Variants in SH3BP5L observed in about 807,000 individuals in gnomAD.
SH3BP5L encodes SH3 domain-binding protein 5-like.
Under a neutral mutation model 40.9 loss-of-function variants are expected in SH3BP5L, and 16 were observed. The ratio of observed to expected loss-of-function variants is 0.39; its 90% CI spans 0.27 to 0.59. SH3BP5L has a LOEUF of 0.59. Ranked by LOEUF, SH3BP5L falls within the 20% of genes least tolerant of loss-of-function variation. The probability of loss-of-function intolerance (pLI) is 0.53; values close to 1 mark genes in which losing one functional copy is unlikely to be tolerated. For synonymous variants in SH3BP5L, 229 were observed against 226.7 expected, an observed-to-expected ratio of 1.01 and a Z score of -0.09; for missense variants, 471 against 544.6, an observed-to-expected ratio of 0.86 and a Z score of 1.35.
chr1:248,816,576 C>T lies in SH3BP5L; in HGVS notation c.333G>A (p.Glu111=). The change falls in exon 4 of 7, where the codon GAG becomes GAA. Residue 111 remains glutamate, a synonymous_variant. Transcript: ENST00000366472. The part of the protein sequence containing the change: ...TQGSHLGSCI[E]KARPYYEARR... The stretch of plus-strand genomic sequence containing the variant: ...GAGCCTCATAGTAGGGCCGGGCTTT[C>T]TCGATGCAGCTCCCCAAGTGGGAAC... 1 of 1,614,188 alleles carries T rather than the reference C, an allele frequency of 6.2e-7. No individual in the cohort carries two copies. Among genetic ancestry groups the T allele is most frequent in the Non-Finnish European group, 8.5e-7 (1 of 1,180,052 alleles).
At chr1:248,823,308 A>G (rs1286585881) in intron 2 of SH3BP5L, among the ~76,000 whole-genome samples, 1 of 152,254 alleles carries the variant, frequency 6.6e-6, no homozygotes, top group African/African-American at 2.4e-5. Flanking sequence ...AGTTTGAGAA[A>G]GAACTGTAGA....
At chr1:248,814,009 C>T (rs951920020) in intron 5 of SH3BP5L, 12 of 181,738 alleles carry the variant, frequency 6.6e-5, no homozygotes, top group Middle Eastern at 2.6e-3. Flanking sequence ...GAGATCCTTC[C>T]GCTCCCCAGT....
chr1:248,812,827 T>TG lies in SH3BP5L; in HGVS notation c.711+161dup, dbSNP rs1414092932. On this transcript the variant is annotated intron_variant, in intron 6 of 6. Transcript: ENST00000366472. This position sits in a 1 kb window ranked among gnomAD's most constrained non-coding sequence, Gnocchi z 6.1. ...AGCCCCCATCCCTGCCTCTCACTCC[T>TG]GCAAGGTCATTTGGAACATGTGTGC... 6.6e-6 allele frequency among the ~76,000 whole-genome samples: 1 copy of TG among 150,736 alleles called. No individual in the cohort carries two copies. The highest frequency in any genetic ancestry group is 2.5e-5 in the African/African-American group (1 of 40,772).
chr1:248,825,277 G>A lies in SH3BP5L; in HGVS notation c.-342C>T. On this transcript the variant is annotated 5_prime_UTR_variant, in exon 2 of 7. Transcript: ENST00000366472. ...TGCTAGGAGGAGCACCATTCGGGAG[G>A]GTGGAGGCAGGCGCCTCCAGGCTGT... The A allele has an allele frequency of 9.7e-7, 1 of 1,035,626 alleles. No homozygotes were observed. The highest frequency in any genetic ancestry group is 1.2e-6 in the Non-Finnish European group (1 of 861,994). The allele number at this position is 1,035,626 out of a possible 1,614,324, so 64.2% of individuals were successfully genotyped here.
At position 248,821,557 on chromosome 1, in the gene SH3BP5L, T is replaced by C. The variant is rs1040640584; in HGVS notation, c.183+3196A>G. The stretch of plus-strand genomic sequence containing the variant: ...AGGTTGCAAAGTCACCCTAGAGAGT[T>C]TGGAAAGGAGCAGGTAAACGAGAGC... On this transcript the variant is annotated intron_variant, in intron 2 of 6. Transcript: ENST00000366472. The surrounding 1 kb of genome is among the most constrained non-coding windows in gnomAD (Gnocchi z 4.6). Among the ~76,000 whole-genome samples the C allele has an allele frequency of 6.6e-6, 1 of 151,870 alleles. No individual in the cohort carries two copies. Among genetic ancestry groups the C allele is most frequent in the Non-Finnish European group, 1.5e-5 (1 of 67,964 alleles).
intron 2 of SH3BP5L, among the ~76,000 whole-genome samples, chr1:248,824,032 C>G (rs1218970532): frequency 6.6e-6 from 1 of 152,188 alleles, no homozygotes; most frequent in Non-Finnish European, 1.5e-5. Flanking sequence ...GTCTCCTACA[C>G]AAAGATCTGC....
At chr1:248,814,714 C>G in intron 4 of SH3BP5L, 104 bp from the exon 5 acceptor site, 1 of 1,152,306 alleles carries the variant, frequency 8.7e-7, no homozygotes, top group Middle Eastern at 1.9e-4. Context: ...GGCCTACTAG[C>G]AATGTCGGCT....
chr1:248,822,084 G>C (rs1664266534), intron 2 of SH3BP5L, among the ~76,000 whole-genome samples: 1 of 152,166 alleles, frequency 6.6e-6, no homozygotes, highest in South Asian at 2.1e-4. Flanking sequence ...TATTTTTGAA[G>C]CTCCCTGGTG....
rs1664348848 is a variant in SH3BP5L, at chr1:248,825,239, C to G, written c.-304G>C. On this transcript the variant is annotated 5_prime_UTR_variant, in exon 2 of 7. Coordinates refer to ENST00000366472, the MANE Select transcript of SH3BP5L (RefSeq NM_030645.3). ...GCAGGGGGCAAAGGGGGCTTGGATC[C>G]TGGACCGAGGCCTGCTAGGAGGAGC... The G allele has an allele frequency of 8.9e-7, 1 of 1,119,618 alleles. No homozygotes were observed. Among genetic ancestry groups the G allele is most frequent in the South Asian group, 3.0e-5 (1 of 33,426 alleles). The allele number at this position is 1,119,618 out of a possible 1,614,324, so 69.4% of individuals were successfully genotyped here. A position where few individuals can be genotyped will look rare whatever the true frequency, so the allele number is the denominator to read the frequency against.
intron 2 of SH3BP5L, among the ~76,000 whole-genome samples, chr1:248,822,255 T>C (rs1664270539): frequency 6.6e-6 from 1 of 152,088 alleles, no homozygotes; most frequent in Non-Finnish European, 1.5e-5. Context: ...CCCAATCTCC[T>C]CCTCATCTTG....
chr1:248,814,894 A>G (rs1664061483), intron 4 of SH3BP5L: 1 of 530,420 alleles, frequency 1.9e-6, no homozygotes, highest in Non-Finnish European at 3.5e-6. Flanking sequence ...AAAACAAAGG[A>G]AAACACAAAC....
intron 1 of SH3BP5L, 38 bp from the exon 2 acceptor site, chr1:248,825,404 G>A: frequency 3.0e-6 from 3 of 989,304 alleles, no homozygotes; most frequent in South Asian, 4.5e-5. Context: ...GGTCATGTCA[G>A]CATCAAAACC....
Position 248,811,717 on chromosome 1 carries a change from G to C in SH3BP5L, c.*183C>G. On this transcript the variant is annotated 3_prime_UTR_variant, in exon 7 of 7. Transcript: ENST00000366472. ...AAAGAGAGCCGCCTGCTGAGGGGAA[G>C]GGGGAGGCTGTGAGAACGCCAGGGC... The C allele has an allele frequency of 1.8e-6, 1 of 549,346 alleles. No homozygotes were observed. The highest frequency in any genetic ancestry group is 2.5e-5 in the South Asian group (1 of 40,390). 34.0% of individuals were successfully genotyped at this position (549,346 alleles called of 1,614,324 possible). A position where few individuals can be genotyped will look rare whatever the true frequency, so the allele number is the denominator to read the frequency against.
At chr1:248,815,149 T>C (rs1442534452) in intron 4 of SH3BP5L, among the ~76,000 whole-genome samples, 1 of 152,230 alleles carries the variant, frequency 6.6e-6, no homozygotes, top group African/African-American at 2.4e-5. Context: ...CAGTGGCTTC[T>C]GCCTGTGAGC....
At chr1:248,815,747 G>A (rs952796019) in intron 4 of SH3BP5L, among the ~76,000 whole-genome samples, 1 of 152,172 alleles carries the variant, frequency 6.6e-6, no homozygotes, top group Admixed American at 6.5e-5. Context: ...GCCTAGCAAA[G>A]TTATTCCAAC....
rs771314540 is a variant in SH3BP5L at position 248,816,537 on chromosome 1, C to T, written c.372G>A (p.Lys124=). The part of the protein sequence containing the change: ...RPYYEARRLA[K]EAQQETQKAA... ...AAACGTGGTCAGCCAGCCATACCTC[C>T]TTAGCCAGCCGCCGAGCCTCATAGT... The change falls in exon 4 of 7, where the codon AAG becomes AAA. Residue 124 remains lysine (K), a synonymous_variant. Transcript: ENST00000366472. 6.2e-7 allele frequency: 1 copy of T among 1,614,056 alleles called. No individual in the cohort carries two copies. Among genetic ancestry groups the T allele is most frequent in the East Asian group, 2.2e-5 (1 of 44,890 alleles).
At chr1:248,816,383 G>C in intron 4 of SH3BP5L, 151 bp downstream of exon 4, 1 of 856,130 alleles carries the variant, frequency 1.2e-6, no homozygotes, top group Non-Finnish European at 1.8e-6. Flanking sequence ...GGAACCTCCT[G>C]AGCCCACAGA....
rs565376225 is a variant in SH3BP5L at position 248,821,579 on chromosome 1, G to C, written c.183+3174C>G. 6.6e-6 allele frequency among the ~76,000 whole-genome samples: 1 copy of C among 152,188 alleles called. No individual in the cohort carries two copies. The highest frequency in any genetic ancestry group is 1.9e-4 in the East Asian group (1 of 5,182). The stretch of plus-strand genomic sequence containing the variant: ...AGTTTGGAAAGGAGCAGGTAAACGA[G>C]AGCACTCACATCTGAGGAAAGAATG... On this transcript the variant is annotated intron_variant, in intron 2 of 6. Coordinates refer to ENST00000366472, the MANE Select transcript of SH3BP5L (RefSeq NM_030645.3). This position sits in a 1 kb window ranked among gnomAD's most constrained non-coding sequence, Gnocchi z 4.6.
chr1:248,811,113 A>G lies in SH3BP5L; in HGVS notation c.*787T>C, dbSNP rs1172302516. 1 of 152,742 alleles carries G rather than the reference A, an allele frequency of 6.5e-6. No homozygotes were observed. Among genetic ancestry groups the G allele is most frequent in the Non-Finnish European group, 1.5e-5 (1 of 68,144 alleles). The allele number at this position is 152,742 out of a possible 1,614,324, so 9.5% of individuals were successfully genotyped here. ...CCAACATGGGCCCTCTTAGGGACCC[A>G]CTAGCACCTTGGCAATGTTGAGGAC... On this transcript the variant is annotated 3_prime_UTR_variant, in exon 7 of 7. Coordinates refer to ENST00000366472, the MANE Select transcript of SH3BP5L (RefSeq NM_030645.3).
Sources: gnomAD v4.1 joint callset for allele counts (sites outside exome capture counted in the v4.1 genomes callset) on GRCh38, gnomAD v4.1.1 for gene constraint, Gnocchi (gnomAD v3.1) non-coding constraint, MANE v1.5 for transcripts, NCBI Gene and HGNC (gene_info 2026-07-23, HGNC 2026-07-21) for gene names.